The following JMJD1C variants were observed in gnomAD, a reference collection of about 807,000 sequenced individuals.
JMJD1C encodes the protein jumonji domain-containing protein 1C.
Under a neutral mutation model 245.3 loss-of-function variants are expected in JMJD1C, and 31 were observed. The observed-to-expected ratio is 0.13, with a 90% CI of 0.09 to 0.17. The LOEUF is 0.17. Among genes scored for constraint, JMJD1C ranks in the 10% least tolerant of loss-of-function variants. JMJD1C has a pLI of 1.00. For missense variants in JMJD1C, 2,691 were observed against 3,000.2 expected (o/e 0.90, Z 2.41); for synonymous variants, 1,057 against 1,017.4 (o/e 1.04, Z -0.74).
chr10:63,232,178 A>G (rs528916317), intron 3 of JMJD1C, among the ~76,000 whole-genome samples: 10 of 152,158 alleles, frequency 6.6e-5, no homozygotes, highest in African/African-American at 1.2e-4. Flanking sequence ...TGCTTCTTCT[A>G]AAGTTTTTTT....
chr10:63,175,355 T>G (rs1842783688), intron 24 of JMJD1C, among the ~76,000 whole-genome samples: 1 of 152,174 alleles, frequency 6.6e-6, no homozygotes, highest in Non-Finnish European at 1.5e-5. Flanking sequence ...TTCCAGGAAA[T>G]TATCATAGAG....
intron 10 of JMJD1C, chr10:63,204,138 G>GA (rs71463504): frequency 0.015 from 12,011 of 819,914 alleles, no homozygotes; most frequent in Non-Finnish European, 0.016. Context: ...AAATATTTAA[G>GA]AAAAAAAAAA....
At chr10:63,347,798 C>T (rs939493301) in intron 2 of JMJD1C, among the ~76,000 whole-genome samples, 11 of 151,908 alleles carry the variant, frequency 7.2e-5, no homozygotes, top group Non-Finnish European at 1.6e-4. Flanking sequence ...CCTGTAATCC[C>T]AGCTACTCCG....
intron 2 of JMJD1C, among the ~76,000 whole-genome samples, chr10:63,280,937 T>C (rs1024706114): frequency 6.6e-6 from 1 of 151,390 alleles, no homozygotes; most frequent in African/African-American, 2.4e-5. Context: ...TGGCATGGGA[T>C]CCATGGGATC....
At chr10:63,312,946 T>C (rs1212698800) in intron 2 of JMJD1C, among the ~76,000 whole-genome samples, 1 of 152,222 alleles carries the variant, frequency 6.6e-6, no homozygotes, top group Non-Finnish European at 1.5e-5. Flanking sequence ...ATTACTTTCT[T>C]AAAACTTTTT....
intron 2 of JMJD1C, among the ~76,000 whole-genome samples, chr10:63,308,713 C>A (rs1320489239): frequency 2.4e-4 from 12 of 49,566 alleles, no homozygotes; most frequent in Non-Finnish European, 2.5e-4. Flanking sequence ...ACTAGAAAGC[C>A]AAAAAATAAA....
At chr10:63,177,333 T>A in intron 23 of JMJD1C, 1 of 231,078 alleles carries the variant, frequency 4.3e-6, no homozygotes, top group Non-Finnish European at 8.4e-6. Context: ...GCCAAAAATA[T>A]CTATCAGATT....
chr10:63,313,109 C>T lies in JMJD1C; in HGVS notation c.334-48345G>A, dbSNP rs530785956. 2.0e-5 allele frequency among the ~76,000 whole-genome samples: 3 copies of T among 152,248 alleles called. No homozygotes were observed. In the South Asian group the frequency reaches 6.2e-4, roughly 32 times the overall value. ...ATCACTCAATCCCCACCCACCATTT[C>T]CCCCGCAAGGCCCCAAAGTCCACTG... On this transcript the variant is annotated intron_variant, in intron 2 of 25. Coordinates refer to ENST00000399262, the MANE Select transcript of JMJD1C (RefSeq NM_032776.3).
At chr10:63,334,539 T>C (rs1369199402) in intron 2 of JMJD1C, among the ~76,000 whole-genome samples, 3 of 152,070 alleles carry the variant, frequency 2.0e-5, no homozygotes, top group African/African-American at 4.8e-5. Context: ...CTGAGCAACA[T>C]GGTGAAACCC....
In JMJD1C at chr10:63,225,939, T is replaced by C. The variant is rs948946691; in HGVS notation, c.448-5956A>G. 2.6e-5 allele frequency among the ~76,000 whole-genome samples: 4 copies of C among 152,194 alleles called. No homozygotes were observed. The South Asian group carries it at 6.2e-4, about 24-fold the overall frequency. On this transcript the variant is annotated intron_variant, in intron 3 of 25. Transcript: ENST00000399262. ...CAAGCAGGAAGTGACAGAGCTGTTA[T>C]CTGAACTTAGTTCTGTGACTTCCAG...
intron 4 of JMJD1C, among the ~76,000 whole-genome samples, chr10:63,219,319 T>C (rs746280848): frequency 2.6e-5 from 4 of 152,210 alleles, no homozygotes; most frequent in East Asian, 1.9e-4. Context: ...TCATGCCATA[T>C]TGTCTCACTT....
chr10:63,288,480 AT>A (rs1396217404), intron 2 of JMJD1C, among the ~76,000 whole-genome samples: 2 of 152,180 alleles, frequency 1.3e-5, no homozygotes, highest in African/African-American at 4.8e-5. Flanking sequence ...TTTGGGGTAG[AT>A]GTGTTTTCAA....
At chr10:63,353,391 CT>C in intron 2 of JMJD1C, among the ~76,000 whole-genome samples, 1 of 152,192 alleles carries the variant, frequency 6.6e-6, no homozygotes, top group Non-Finnish European at 1.5e-5. Flanking sequence ...TATATTTGGT[CT>C]ATCTACTACT....
At chr10:63,459,018 G>A (rs1250366487) in intron 1 of JMJD1C, among the ~76,000 whole-genome samples, 2 of 152,112 alleles carry the variant, frequency 1.3e-5, no homozygotes, top group East Asian at 3.8e-4. Flanking sequence ...CACCGCGCTT[G>A]GCCTATAGCA....
chr10:63,283,470 G>A (rs960817824), intron 2 of JMJD1C, among the ~76,000 whole-genome samples: 20 of 150,918 alleles, frequency 1.3e-4, no homozygotes, highest in Admixed American at 2.7e-4. Context: ...AAGTTTGAAC[G>A]ATTCTCCTGC....
At chr10:63,276,034 C>T (rs1349176646) in intron 2 of JMJD1C, among the ~76,000 whole-genome samples, 1 of 152,140 alleles carries the variant, frequency 6.6e-6, no homozygotes, top group Non-Finnish European at 1.5e-5. Context: ...ATAAACAATA[C>T]TATGAACGTC....
chr10:63,520,958 T>C (rs1955199218), intron 1 of JMJD1C, among the ~76,000 whole-genome samples: 1 of 152,242 alleles, frequency 6.6e-6, no homozygotes, highest in Non-Finnish European at 1.5e-5. Context: ...ATACCGGATG[T>C]GGCCAGGCAC....
chr10:63,313,841 A>G (rs9299455), intron 2 of JMJD1C, among the ~76,000 whole-genome samples: 130,854 of 152,252 alleles, frequency 0.86, 56,935 homozygotes, highest in African/African-American at 0.96. Context: ...TTAGTCCTTT[A>G]TAGGATGTAT....
Position 63,195,885 on chromosome 10 carries a change from C to T in JMJD1C, c.5645-1510G>A, listed in dbSNP as rs199880144. On this transcript the variant is annotated intron_variant, in intron 13 of 25. Coordinates refer to ENST00000399262, the MANE Select transcript of JMJD1C (RefSeq NM_032776.3). ...TGGAGGTTGCAGTGAGCCGAGATTG[C>T]GCCACTGCACTCCAGCCTGGGCAAC... Among the ~76,000 whole-genome samples the T allele has an allele frequency of 3.9e-5, 6 of 152,096 alleles. No homozygotes were observed. In the East Asian group the frequency reaches 9.7e-4, roughly 25 times the overall value.
Sources: allele counts gnomAD v4.1 joint callset (sites outside exome capture counted in the v4.1 genomes callset), GRCh38; gene constraint gnomAD v4.1.1; transcripts MANE v1.5; gene names NCBI Gene and HGNC (gene_info 2026-07-23, HGNC 2026-07-21).